The following ZNF385D variants were observed in gnomAD, a reference collection of about 807,000 sequenced individuals.
The protein encoded by ZNF385D is zinc finger protein 385D.
Under a neutral mutation model 35.8 loss-of-function variants are expected in ZNF385D, and 15 were observed. The ratio of observed to expected loss-of-function variants is 0.42; its 90% CI spans 0.28 to 0.64. ZNF385D has a LOEUF of 0.64. Ranked by LOEUF, ZNF385D falls within the 30% of genes least tolerant of loss-of-function variation. The pLI is 0.23. For synonymous variants in ZNF385D, 212 were observed against 186.8 expected, an observed-to-expected ratio of 1.13 and a Z score of -1.10; for missense variants, 474 against 494.6, an observed-to-expected ratio of 0.96 and a Z score of 0.39.
Position 22,200,110 on chromosome 3 carries a change from G to C in ZNF385D, c.107-31075C>G, listed in dbSNP as rs573193191. ...CAGAATAGGAACATCCAGAATCCTT[G>C]CCCTAACCATTACAACACAGGGCCA... On this transcript the variant is annotated intron_variant, in intron 2 of 5. Coordinates refer to the ZNF385D transcript ENST00000494108. Among the ~76,000 whole-genome samples, 52 of 152,146 alleles carry C rather than the reference G, an allele frequency of 3.4e-4. No individual in the cohort carries two copies. The Middle Eastern group carries it at 0.01, about 30-fold the overall frequency.
At chr3:21,720,358 A>G (rs879524033) in intron 1 of ZNF385D, among the ~76,000 whole-genome samples, 18 of 152,334 alleles carry the variant, frequency 1.2e-4, no homozygotes, top group Admixed American at 1.2e-3. Context: ...GTTCTAAACC[A>G]GCCTGGGCAA....
intron 1 of ZNF385D, among the ~76,000 whole-genome samples, chr3:21,666,622 C>T (rs550819037): frequency 6.6e-6 from 1 of 152,222 alleles, no homozygotes; most frequent in African/African-American, 2.4e-5. Flanking sequence ...GTTTATTGTC[C>T]ACTTGGTAGT....
At chr3:21,918,691 T>G (rs1305265674) in intron 3 of ZNF385D, among the ~76,000 whole-genome samples, 1 of 152,200 alleles carries the variant, frequency 6.6e-6, no homozygotes, top group East Asian at 1.9e-4. Flanking sequence ...ACATTATTCT[T>G]CTTTGTCTTT....
At chr3:22,180,688 A>G (rs1326444443) in intron 2 of ZNF385D, among the ~76,000 whole-genome samples, 3 of 152,196 alleles carry the variant, frequency 2.0e-5, no homozygotes, top group Non-Finnish European at 2.9e-5. Flanking sequence ...CAAAAACCAC[A>G]TGATTATCTC....
intron 2 of ZNF385D, among the ~76,000 whole-genome samples, chr3:22,247,208 G>C (rs1366028904): frequency 6.6e-6 from 1 of 151,772 alleles, no homozygotes; most frequent in African/African-American, 2.4e-5. Flanking sequence ...ATGTCCTTTA[G>C]AATGTTGATT....
At chr3:21,481,896 G>C (rs1320900446) in intron 4 of ZNF385D, among the ~76,000 whole-genome samples, 1 of 152,038 alleles carries the variant, frequency 6.6e-6, no homozygotes, top group Admixed American at 6.6e-5. Context: ...CATAATCCCT[G>C]TTCCAAATAG....
chr3:21,647,399 T>A (rs1680975888), intron 2 of ZNF385D, among the ~76,000 whole-genome samples: 1 of 150,438 alleles, frequency 6.6e-6, no homozygotes, highest in South Asian at 2.1e-4. Flanking sequence ...TCTTCCTTCT[T>A]CTCTCCCTCT....
chr3:22,198,652 C>G (rs183058852), intron 2 of ZNF385D, among the ~76,000 whole-genome samples: 12 of 152,090 alleles, frequency 7.9e-5, no homozygotes, highest in Non-Finnish European at 1.6e-4. Flanking sequence ...TATGCTGATA[C>G]ATAATTTAAA....
At chr3:21,829,014 C>A (rs757641221) in intron 3 of ZNF385D, among the ~76,000 whole-genome samples, 6 of 152,160 alleles carry the variant, frequency 3.9e-5, no homozygotes, top group Non-Finnish European at 7.3e-5. Context: ...CCAGAATAAT[C>A]TTTCCATCTC....
chr3:22,282,529 T>C (rs144947980), intron 2 of ZNF385D, among the ~76,000 whole-genome samples: 450 of 152,170 alleles, frequency 3.0e-3, no homozygotes, highest in Non-Finnish European at 4.6e-3. Flanking sequence ...TTTCCATGTG[T>C]TTGCATAGTT....
In ZNF385D at chr3:22,007,131, A is replaced by T. The variant is rs1696259735; in HGVS notation, c.325+161686T>A. On this transcript the variant is annotated intron_variant, in intron 3 of 5. Transcript: ENST00000494108. ...TCTACACCAAAAAGTATTCTCAGAGAAGTTTCAATCTCATCCATACACCTT... is the reference window on the plus strand; with the variant it reads ...TCTACACCAAAAAGTATTCTCAGAGTAGTTTCAATCTCATCCATACACCTT... Among the ~76,000 whole-genome samples the T allele has an allele frequency of 4.6e-5, 7 of 152,118 alleles. No individual in the cohort carries two copies. In the South Asian group the frequency reaches 1.5e-3, roughly 32 times the overall value.
At chr3:22,220,240 G>GT (rs1425373766) in intron 2 of ZNF385D, among the ~76,000 whole-genome samples, 1 of 151,486 alleles carries the variant, frequency 6.6e-6, no homozygotes, top group African/African-American at 2.4e-5. Flanking sequence ...ATGATTTCGA[G>GT]TTTTCATAGA....
chr3:21,425,615 G>T lies in ZNF385D; in HGVS notation c.729C>A (p.Ala243=), dbSNP rs753935865. 10 of 1,603,742 alleles carry T rather than the reference G, an allele frequency of 6.2e-6. No individual in the cohort carries two copies. Among genetic ancestry groups the T allele is most frequent in the Non-Finnish European group, 7.7e-6 (9 of 1,174,538 alleles). Residue 243 remains alanine, a synonymous_variant, in exon 6 of 8, where the codon GCC becomes GCA. Coordinates refer to ENST00000281523, the MANE Select transcript of ZNF385D (RefSeq NM_024697.3). ...TGCCTTTCACTCCTGCCCTAGGAAA[G>T]GCTTTGATAGTGCCACTTCCATTCC... ...EARNGSGTIK[A]FPRAGVKGKG...
In ZNF385D at chr3:21,416,435, T is replaced by G. The variant is rs923069963; in HGVS notation, c.*4779A>C. The G allele has an allele frequency of 6.6e-6, 1 of 152,128 alleles. No individual in the cohort carries two copies. The allele number at this position is 152,128 out of a possible 1,614,324, so 9.4% of individuals were successfully genotyped here. A position where few individuals can be genotyped will look rare whatever the true frequency, so the allele number is the denominator to read the frequency against. On this transcript the variant is annotated 3_prime_UTR_variant, in exon 8 of 8. Transcript: ENST00000281523. ...AGTCCATTCCTGGCAGTAACAACCT[T>G]TAGGCCAAATGAGCATGACATGTCA...
intron 2 of ZNF385D, among the ~76,000 whole-genome samples, chr3:21,575,351 A>T (rs1447756688): frequency 1.3e-5 from 2 of 152,168 alleles, no homozygotes; most frequent in African/African-American, 4.8e-5. Context: ...ATAGCAAAAG[A>T]TATACACAAG....
intron 3 of ZNF385D, among the ~76,000 whole-genome samples, chr3:22,004,817 T>C (rs955527170): frequency 1.3e-5 from 2 of 152,114 alleles, no homozygotes; most frequent in African/African-American, 4.8e-5. Context: ...TGCTTTAAAT[T>C]GTCCCACCTT....
chr3:21,939,464 T>G (rs1157049265), intron 3 of ZNF385D, among the ~76,000 whole-genome samples: 1 of 148,606 alleles, frequency 6.7e-6, no homozygotes, highest in Non-Finnish European at 1.5e-5. Flanking sequence ...CTCTAAAAAC[T>G]ATACACTTGT....
At chr3:21,746,754 A>C (rs771240826) in intron 1 of ZNF385D, among the ~76,000 whole-genome samples, 57 of 152,178 alleles carry the variant, frequency 3.7e-4, no homozygotes, top group Non-Finnish European at 1.9e-4. Context: ...ACTAATTAGA[A>C]GGAGTTAAAT....
At chr3:21,998,988 A>C (rs1695666326) in intron 3 of ZNF385D, among the ~76,000 whole-genome samples, 1 of 152,154 alleles carries the variant, frequency 6.6e-6, no homozygotes, top group East Asian at 1.9e-4. Flanking sequence ...ACTGGCATCC[A>C]ATTGAGATAG....
Sources: gnomAD v4.1 joint callset for allele counts (sites outside exome capture counted in the v4.1 genomes callset) on GRCh38, gnomAD v4.1.1 for gene constraint, MANE v1.5 for transcripts, NCBI Gene and HGNC (gene_info 2026-07-23, HGNC 2026-07-21) for gene names.